DICER1: variants seen among roughly 807,000 people sequenced by gnomAD.
DICER1 encodes the protein dicer 1, ribonuclease III, also known as endoribonuclease Dicer.
In DICER1, 43 loss-of-function variants were observed where a neutral mutation model predicts 194.1. That is an observed-to-expected ratio of 0.22 (90% CI 0.17 to 0.29). The LOEUF (loss-of-function observed/expected upper bound fraction) is 0.29. DICER1 is among the 10% of genes least tolerant of loss of function. The pLI is 1.00. For missense variants in DICER1, 1,608 were observed against 2,317.0 expected, an observed-to-expected ratio of 0.69 and a Z score of 6.28; for synonymous variants, 832 against 820.5, an observed-to-expected ratio of 1.01 and a Z score of -0.24.
chr14:95,126,471 A>T, intron 7 of DICER1, 109 bp downstream of exon 7: 3 of 730,502 alleles, frequency 4.1e-6, no homozygotes, highest in Non-Finnish European at 6.8e-6. Flanking sequence ...TTAAGACCTT[A>T]AACTAAAATG....
intron 20 of DICER1, 142 bp downstream of exon 20, chr14:95,104,929 A>C (rs1891272341): frequency 2.5e-6 from 2 of 786,490 alleles, no homozygotes; most frequent in Admixed American, 4.5e-5. Context: ...TCTCCCTCTG[A>C]GACTTGACAA....
rs747735065 is a variant in DICER1 at position 95,115,717 on chromosome 14, G to A, written c.1857C>T (p.Asp619=). Reference sequence around the variant, plus strand: ...TGATTGTGACTCGTGGACCACCATCGTCAGGCCTCAACACATATGGTGGGA... The same window carrying A: ...TGATTGTGACTCGTGGACCACCATCATCAGGCCTCAACACATATGGTGGGA... ...DVFPPYVLRP[D]DGGPRVTINT... Residue 619 remains aspartate, a synonymous_variant, in exon 11 of 27, where the codon GAC becomes GAT. Transcript: ENST00000343455. 2.3e-5 allele frequency: 37 copies of A among 1,614,066 alleles called. No individual in the cohort carries two copies. Among genetic ancestry groups the A allele is most frequent in the South Asian group, 6.6e-5 (6 of 91,080 alleles).
chr14:95,094,062 C>A lies in DICER1; in HGVS notation c.5190G>T (p.Gly1730=). 1 of 1,614,022 alleles carries A rather than the reference C, an allele frequency of 6.2e-7. No individual in the cohort carries two copies. The highest frequency in any genetic ancestry group is 8.5e-7 in the Non-Finnish European group (1 of 1,180,020). The stretch of plus-strand genomic sequence containing the variant: ...GGGCAGACCGCAGGTCTGTCAGGAC[C>A]CCCGGGGAGTGCTGCCGCGGGTCTT... ...LYEDPRQHSP[G]VLTDLRSALV... Residue 1730 remains glycine, a synonymous_variant, in exon 24 of 27, where the codon GGG becomes GGT. Coordinates refer to ENST00000343455, the MANE Select transcript of DICER1 (RefSeq NM_177438.3).
rs150390018 is a variant in DICER1, at chr14:95,116,058, G to GAC, written c.1753-239_1753-238dup. ...GTCTATACTGTACCGTGCCTACACA[G>GAC]ACACACACACACACACACACACACA... On this transcript the variant is annotated intron_variant, in intron 10 of 26. Coordinates refer to ENST00000343455, the MANE Select transcript of DICER1 (RefSeq NM_177438.3). 0.054 allele frequency among the ~76,000 whole-genome samples: 7,744 copies of GAC among 142,918 alleles called. 226 individuals carry two copies. The highest frequency in any genetic ancestry group is 0.1 in the South Asian group (454 of 4,436). 93.8% of individuals were successfully genotyped at this position (142,918 alleles called of 152,430 possible).
In DICER1 at chr14:95,133,304, C is replaced by T. The variant is rs374587363; in HGVS notation, c.144+11G>A. On this transcript the variant is annotated intron_variant, in intron 2 of 26. Coordinates refer to ENST00000343455, the MANE Select transcript of DICER1 (RefSeq NM_177438.3). ...TGTAGAATGCTCCAGTATTAGTGTT[C>T]GCATTAGTACCTGATATTTTCTTGG... 2.0e-5 allele frequency: 33 copies of T among 1,613,208 alleles called. 1 individual carries two copies. In the South Asian group the frequency reaches 2.6e-4, roughly 13 times the overall value.
At chr14:95,097,341 T>C (rs1213106367) in intron 22 of DICER1, among the ~76,000 whole-genome samples, 3 of 152,164 alleles carry the variant, frequency 2.0e-5, no homozygotes, top group African/African-American at 7.2e-5. Flanking sequence ...ATAAAAGTGA[T>C]CACTGCACTA....
intron 1 of DICER1, among the ~76,000 whole-genome samples, chr14:95,148,836 A>T (rs1895315963): frequency 6.6e-6 from 1 of 152,116 alleles, no homozygotes; most frequent in Non-Finnish European, 1.5e-5. Context: ...TTTGTCCTAC[A>T]GTTTTGTTTC....
At position 95,145,974 on chromosome 14, in the gene DICER1, T is replaced by C. The variant is rs545112814; in HGVS notation, c.-46+11256A>G. Among the ~76,000 whole-genome samples the C allele has an allele frequency of 1.3e-3, 204 of 152,346 alleles. 1 individual carries two copies. Among genetic ancestry groups the C allele is most frequent in the African/African-American group, 4.6e-3 (192 of 41,584 alleles). On this transcript the variant is annotated intron_variant, in intron 1 of 26. Coordinates refer to ENST00000343455, the MANE Select transcript of DICER1 (RefSeq NM_177438.3). ...AAACACTCCCCGCCACCAATTTACA[T>C]GTCTAACAATGATTGAGGAAATGGT...
chr14:95,132,027 C>T (rs1893994617), intron 3 of DICER1, among the ~76,000 whole-genome samples: 2 of 152,146 alleles, frequency 1.3e-5, no homozygotes, highest in African/African-American at 4.8e-5. Flanking sequence ...TAGTGCCCTA[C>T]CAGCTTAGGT....
Position 95,122,973 on chromosome 14 carries a change from GA to G in DICER1, c.1376+1222del, listed in dbSNP as rs59498654. ...GCACACACACACAAAGAAAGAAAAA[GA>G]AAAAAAAAAATCCCAAATTACCTTA... On this transcript the variant is annotated intron_variant, in intron 8 of 26. Transcript: ENST00000343455. 3.0e-3 allele frequency among the ~76,000 whole-genome samples: 347 copies of G among 115,336 alleles called. 1 individual carries two copies. Among genetic ancestry groups the G allele is most frequent in the South Asian group, 0.023 (93 of 4,018 alleles). 75.7% of individuals were successfully genotyped at this position (115,336 alleles called of 152,430 possible).
intron 23 of DICER1, 89 bp from the exon 24 acceptor site, chr14:95,094,245 T>A (rs182072479): frequency 5.4e-6 from 8 of 1,492,946 alleles, no homozygotes; most frequent in Non-Finnish European, 9.3e-7. Flanking sequence ...CCGAAGAAGA[T>A]TTGTATTTAC....
chr14:95,138,765 A>G lies in DICER1; in HGVS notation c.-45-5262T>C, dbSNP rs1298901763. On this transcript the variant is annotated intron_variant, in intron 1 of 26. Coordinates refer to ENST00000343455, the MANE Select transcript of DICER1 (RefSeq NM_177438.3). ...TCTCACTCATAGGTGGGAATTGAAC[A>G]ATGAGATCACATGGACACAGGAAGG... Among the ~76,000 whole-genome samples, 3 of 143,390 alleles carry G rather than the reference A, an allele frequency of 2.1e-5. No homozygotes were observed. In the East Asian group the frequency reaches 6.2e-4, roughly 30 times the overall value. 94.1% of individuals were successfully genotyped at this position (143,390 alleles called of 152,430 possible).
At chr14:95,113,049 A>T (rs1285022291) in intron 12 of DICER1, 43 bp downstream of exon 12, 1 of 1,600,498 alleles carries the variant, frequency 6.2e-7, no homozygotes, top group Non-Finnish European at 8.6e-7. Flanking sequence ...TCCACTAATG[A>T]CACATTTTAA....
At chr14:95,118,208 A>G (rs1046478252) in intron 8 of DICER1, among the ~76,000 whole-genome samples, 1 of 152,206 alleles carries the variant, frequency 6.6e-6, no homozygotes, top group African/African-American at 2.4e-5. Context: ...GCACAGCTTG[A>G]GCTGCAGGCC....
rs1200346749 is a variant in DICER1 at position 95,089,202 on chromosome 14, T to TG, written c.*1295_*1296insC. 4.0e-5 allele frequency: 9 copies of TG among 227,180 alleles called. No individual in the cohort carries two copies. Among genetic ancestry groups the TG allele is most frequent in the Non-Finnish European group, 7.8e-5 (9 of 115,228 alleles). The allele number at this position is 227,180 out of a possible 1,614,324, so 14.1% of individuals were successfully genotyped here. A position where few individuals can be genotyped will look rare whatever the true frequency, so the allele number is the denominator to read the frequency against. The stretch of plus-strand genomic sequence containing the variant: ...AACTTAGGCAAATGCCTAAAGAAGT[T>TG]TTTTTTTTTTTCCTTTTCCAAAGAT... On this transcript the variant is annotated 3_prime_UTR_variant, in exon 27 of 27. Coordinates refer to ENST00000343455, the MANE Select transcript of DICER1 (RefSeq NM_177438.3).
intron 1 of DICER1, among the ~76,000 whole-genome samples, chr14:95,140,312 A>C (rs1206902724): frequency 1.3e-5 from 2 of 152,164 alleles, no homozygotes; most frequent in Non-Finnish European, 2.9e-5. Flanking sequence ...TAAGATTATG[A>C]TACTGTATTT....
chr14:95,130,203 A>G lies in DICER1; in HGVS notation c.439-11T>C. ...AGTCATAATGAGAACCTAAAATAAA[A>G]TCAACATCAGTAAACAAACATAGCA... On this transcript the variant is annotated splice_polypyrimidine_tract_variant and intron_variant, in intron 4 of 26. Transcript: ENST00000343455. 1 of 1,611,156 alleles carries G rather than the reference A, an allele frequency of 6.2e-7. No individual in the cohort carries two copies.
At chr14:95,139,358 C>G (rs940803336) in intron 1 of DICER1, among the ~76,000 whole-genome samples, 1 of 152,196 alleles carries the variant, frequency 6.6e-6, no homozygotes, top group Non-Finnish European at 1.5e-5. Context: ...ACCTGTATTA[C>G]CCACTGTACA....
At chr14:95,090,753 G>T in intron 26 of DICER1, 90 bp from the exon 27 acceptor site, 1 of 1,462,356 alleles carries the variant, frequency 6.8e-7, no homozygotes. Context: ...CAGGCCAGGA[G>T]TCCCATGTAT....
Sources: gnomAD v4.1 joint callset for allele counts (sites outside exome capture counted in the v4.1 genomes callset) on GRCh38, gnomAD v4.1.1 for gene constraint, MANE v1.5 for transcripts, NCBI Gene and HGNC (gene_info 2026-07-23, HGNC 2026-07-21) for gene names.